The following SCN11A variants were observed in gnomAD, a reference collection of about 807,000 sequenced individuals.
The protein encoded by SCN11A is sodium channel protein type 11 subunit alpha.
In SCN11A, 122 loss-of-function variants were observed where a neutral mutation model predicts 162.2. The ratio of observed to expected loss-of-function variants is 0.75; its 90% CI spans 0.65 to 0.87. The LOEUF (loss-of-function observed/expected upper bound fraction) is 0.87, where lower values mean the gene tolerates loss of function less well. SCN11A is among the 40% of genes least tolerant of loss of function. SCN11A has a pLI of 0.00. For missense variants in SCN11A, 2,015 were observed against 2,181.6 expected, an observed-to-expected ratio of 0.92 and a Z score of 1.52; for synonymous variants, 758 against 751.5, an observed-to-expected ratio of 1.01 and a Z score of -0.14.
At chr3:38,949,666 C>A (rs1391159746) in intron 5 of SCN11A, among the ~76,000 whole-genome samples, 1 of 152,168 alleles carries the variant, frequency 6.6e-6, no homozygotes, top group Non-Finnish European at 1.5e-5. Context: ...GCTTTCCCAG[C>A]ATGTCTATGC....
chr3:38,939,881 C>T lies in SCN11A; in HGVS notation c.488+5530G>A, dbSNP rs560663912. 1.5e-4 allele frequency among the ~76,000 whole-genome samples: 22 copies of T among 148,954 alleles called. No individual in the cohort carries two copies. In the East Asian group the frequency reaches 2.2e-3, roughly 15 times the overall value. ...TCGCGCCATTGCACTCCAGCCTGAG[C>T]GACAAGAGTGAAACCCCATCTCAAA... is the stretch of plus-strand genomic sequence containing the variant. On this transcript the variant is annotated intron_variant, in intron 7 of 29. Transcript: ENST00000302328.
chr3:38,971,066 C>T (rs2066813594), intron 2 of SCN11A, among the ~76,000 whole-genome samples: 1 of 152,168 alleles, frequency 6.6e-6, no homozygotes, highest in African/African-American at 2.4e-5. Flanking sequence ...AATCCAGAGA[C>T]GTAAGTGTCT....
intron 7 of SCN11A, among the ~76,000 whole-genome samples, chr3:38,937,131 C>T (rs1382156080): frequency 2.0e-5 from 3 of 152,108 alleles, no homozygotes; most frequent in African/African-American, 7.2e-5. Context: ...AAAGGATTCT[C>T]TATTTAATAA....
Position 38,910,136 on chromosome 3 carries a change from T to G in SCN11A, c.1031A>C (p.Asn344Thr). The change falls in exon 12 of 30, where the codon AAC becomes ACC. Residue 344 changes from asparagine to threonine, a missense_variant. By Grantham distance (65) the Asn-to-Thr change is moderately conservative (BLOSUM62 0). Transcript: ENST00000302328. Reference sequence around the variant, plus strand: ...CATGGCAAGAAAAGACCAGCCAAAGTTGTCAAAATTCGTATAATTATAGTC... The same window carrying G: ...CATGGCAAGAAAAGACCAGCCAAAGGTGTCAAAATTCGTATAATTATAGTC... ...NPDYNYTNFD[N>T]FGWSFLAMFR... 2 of 1,613,940 alleles carry G rather than the reference T, an allele frequency of 1.2e-6. No homozygotes were observed. The highest frequency in any genetic ancestry group is 1.7e-6 in the Non-Finnish European group (2 of 1,179,894).
At chr3:38,988,517 T>C (rs1172268947) in intron 2 of SCN11A, among the ~76,000 whole-genome samples, 2 of 152,078 alleles carry the variant, frequency 1.3e-5, no homozygotes, top group African/African-American at 4.8e-5. Flanking sequence ...GCACACATCT[T>C]TCCCCTGTCC....
intron 15 of SCN11A, among the ~76,000 whole-genome samples, chr3:38,904,757 C>G (rs2065766300): frequency 6.6e-6 from 1 of 152,206 alleles, no homozygotes; most frequent in African/African-American, 2.4e-5. Flanking sequence ...ATGGCTCCAG[C>G]CTTTCTACAT....
chr3:39,042,948 A>G (rs2125617105), intron 1 of SCN11A, among the ~76,000 whole-genome samples: 1 of 131,482 alleles, frequency 7.6e-6, no homozygotes, highest in African/African-American at 3.1e-5. Context: ...CAAGAGCGAA[A>G]CTCCATCTCA....
chr3:39,009,039 TTC>T (rs2031054802), intron 2 of SCN11A, among the ~76,000 whole-genome samples: 1 of 152,120 alleles, frequency 6.6e-6, no homozygotes, highest in African/African-American at 2.4e-5. Context: ...TTCAATCTCC[TTC>T]TCTCATAAGT....
Position 38,846,975 on chromosome 3 carries a change from C to T in SCN11A, c.5095G>A (p.Gly1699Ser), listed in dbSNP as rs1483222978. 1 of 1,614,072 alleles carries T rather than the reference C, an allele frequency of 6.2e-7. No homozygotes were observed. Among genetic ancestry groups the T allele is most frequent in the South Asian group, 1.1e-5 (1 of 91,062 alleles). ...ATCATTGCTTTCATACTATCTAGGC[C>T]ATCAGAGCCACCGAGTACCCTAGCG... ...FTARVLGGSD[G>S]LDSMKAMMEE... Residue 1699 changes from glycine (G) to serine (S), a missense_variant, in exon 30 of 30, where the codon GGC becomes AGC. Transcript: ENST00000302328.
intron 2 of SCN11A, among the ~76,000 whole-genome samples, chr3:38,995,387 T>C (rs1370824191): frequency 6.6e-6 from 1 of 152,190 alleles, no homozygotes; most frequent in Non-Finnish European, 1.5e-5. Flanking sequence ...CCCAAAGTGC[T>C]GGAATTACAG....
At chr3:38,949,756 C>T (rs1467834335) in intron 5 of SCN11A, among the ~76,000 whole-genome samples, 3 of 152,186 alleles carry the variant, frequency 2.0e-5, no homozygotes, top group Non-Finnish European at 4.4e-5. Context: ...TGCCCAGAGT[C>T]ATAAAGCCAA....
At position 38,953,005 on chromosome 3, in the gene SCN11A, A is replaced by G. The variant is rs555177436; in HGVS notation, c.-8+624T>C. On this transcript the variant is annotated intron_variant, in intron 4 of 29. Coordinates refer to ENST00000302328, the MANE Select transcript of SCN11A (RefSeq NM_001349253.2). ...GGAATTACTAAAGGTTTGGGTTTTCATTGCTGTTGTTGTTACTGCAGAGGC... is the reference window on the plus strand; with the variant it reads ...GGAATTACTAAAGGTTTGGGTTTTCGTTGCTGTTGTTGTTACTGCAGAGGC... Among the ~76,000 whole-genome samples the G allele has an allele frequency of 1.9e-4, 29 of 151,702 alleles. 1 individual carries two copies. In the South Asian group the frequency reaches 5.1e-3, roughly 27 times the overall value.
At chr3:38,869,430 T>C (rs2065090575) in intron 26 of SCN11A, among the ~76,000 whole-genome samples, 2 of 152,264 alleles carry the variant, frequency 1.3e-5, no homozygotes, top group East Asian at 1.9e-4. Flanking sequence ...TAAAATTACA[T>C]TGTATATATA....
Position 38,852,654 on chromosome 3 carries a change from G to A in SCN11A, c.4057-1903C>T, listed in dbSNP as rs147236633. On this transcript the variant is annotated intron_variant, in intron 28 of 29. Coordinates refer to ENST00000302328, the MANE Select transcript of SCN11A (RefSeq NM_001349253.2). ...CTTGTTCTATTACTGGAAATGAAATGCATCAATGCTCAGGCTAAAACAGCT... is the reference window on the plus strand; with the variant it reads ...CTTGTTCTATTACTGGAAATGAAATACATCAATGCTCAGGCTAAAACAGCT... Among the ~76,000 whole-genome samples the A allele has an allele frequency of 2.0e-5, 3 of 152,294 alleles. No individual in the cohort carries two copies. The East Asian group carries it at 5.8e-4, about 29-fold the overall frequency.
chr3:39,027,511 AAAG>A (rs1031392685), intron 2 of SCN11A, among the ~76,000 whole-genome samples: 3 of 152,210 alleles, frequency 2.0e-5, no homozygotes, highest in Non-Finnish European at 4.4e-5. Flanking sequence ...GTAGGTAAGA[AAAG>A]AAGGACCAGC....
At chr3:38,863,932 A>G (rs969649341) in intron 27 of SCN11A, among the ~76,000 whole-genome samples, 1 of 152,158 alleles carries the variant, frequency 6.6e-6, no homozygotes, top group African/African-American at 2.4e-5. Context: ...TGGGGGTCTG[A>G]AAATTGAGAG....
intron 11 of SCN11A, among the ~76,000 whole-genome samples, chr3:38,910,893 C>T (rs965549940): frequency 2.6e-5 from 4 of 152,074 alleles, no homozygotes; most frequent in African/African-American, 9.7e-5. Context: ...ATAAGATGTA[C>T]TAAGGGTATG....
At chr3:38,924,866 C>A (rs757197575) in intron 9 of SCN11A, among the ~76,000 whole-genome samples, 1 of 152,062 alleles carries the variant, frequency 6.6e-6, no homozygotes, top group Non-Finnish European at 1.5e-5. Context: ...CCTTTCCAGT[C>A]CCATCCTCAT....
At chr3:38,922,300 A>G (rs1427054688) in intron 9 of SCN11A, among the ~76,000 whole-genome samples, 3 of 152,220 alleles carry the variant, frequency 2.0e-5, no homozygotes, top group East Asian at 3.8e-4. Flanking sequence ...GACACTTACT[A>G]TATCACCAAT....
Sources: gnomAD v4.1 joint callset for allele counts (sites outside exome capture counted in the v4.1 genomes callset) on GRCh38, gnomAD v4.1.1 for gene constraint, MANE v1.5 for transcripts, NCBI Gene and HGNC (gene_info 2026-07-23, HGNC 2026-07-21) for gene names.